Variants in NSRP1 observed in about 807,000 individuals in gnomAD.
NSRP1 encodes coiled-coil domain containing 55.
Under a neutral mutation model 54.7 loss-of-function variants are expected in NSRP1, and 24 were observed. The ratio of observed to expected loss-of-function variants is 0.44; its 90% confidence interval spans 0.32 to 0.62. The LOEUF (loss-of-function observed/expected upper bound fraction) is 0.62. Among genes scored for constraint, NSRP1 ranks in the 20% least tolerant of loss-of-function variants. The pLI, the probability that NSRP1 is intolerant of heterozygous loss-of-function variation, is 0.06. For synonymous variants in NSRP1, 210 were observed against 213.8 expected, an observed-to-expected ratio of 0.98 and a Z score of 0.15; for missense variants, 596 against 651.2, an observed-to-expected ratio of 0.92 and a Z score of 0.92.
At chr17:30,133,404 C>T (rs1239038782) in intron 2 of NSRP1, among the ~76,000 whole-genome samples, 1 of 152,102 alleles carries the variant, frequency 6.6e-6, no homozygotes, top group Non-Finnish European at 1.5e-5. Flanking sequence ...GCATTGTCAG[C>T]AGTATTTTGA....
Position 30,159,368 on chromosome 17 carries a change from G to T in NSRP1, c.115-13174G>T, listed in dbSNP as rs1176802741. Among the ~76,000 whole-genome samples, 3 of 152,222 alleles carry T rather than the reference G, an allele frequency of 2.0e-5. No individual in the cohort carries two copies. The East Asian group carries it at 5.8e-4, about 29-fold the overall frequency. ...TTTAAGAGGTTTTTTTTGTGTGTGTGTGTAGTCGTTTGGTTTTTCTAAATA... is the reference window on the plus strand; with the variant it reads ...TTTAAGAGGTTTTTTTTGTGTGTGTTTGTAGTCGTTTGGTTTTTCTAAATA... On this transcript the variant is annotated intron_variant, in intron 2 of 6. Coordinates refer to ENST00000247026, the MANE Select transcript of NSRP1 (RefSeq NM_032141.4).
In NSRP1 at chr17:30,117,208, G is replaced by C. The variant is rs193157420; in HGVS notation, c.20+345G>C. 5.2e-4 allele frequency: 338 copies of C among 645,086 alleles called. No homozygotes were observed. The East Asian group carries it at 9.0e-3, about 17-fold the overall frequency. The allele number at this position is 645,086 out of a possible 1,614,324, so 40.0% of individuals were successfully genotyped here. On this transcript the variant is annotated intron_variant, in intron 1 of 6. Transcript: ENST00000247026. ...CCCCGCTTGGATGCTCTCAGGGGCA[G>C]TGTGAAGAGAGACAGTTCCTGGCTT...
intron 2 of NSRP1, among the ~76,000 whole-genome samples, chr17:30,120,658 A>G (rs1175812907): frequency 6.6e-6 from 1 of 152,214 alleles, no homozygotes; most frequent in African/African-American, 2.4e-5. Flanking sequence ...TATACTGAGG[A>G]TTCCTGTGTG....
intron 3 of NSRP1, among the ~76,000 whole-genome samples, chr17:30,174,292 C>A (rs139180736): frequency 1.3e-5 from 2 of 152,272 alleles, no homozygotes; most frequent in African/African-American, 2.4e-5. Context: ...ACAACTCTTA[C>A]ACCTTTCACC....
chr17:30,124,234 G>T (rs1032875122), intron 2 of NSRP1, among the ~76,000 whole-genome samples: 2 of 152,216 alleles, frequency 1.3e-5, no homozygotes, highest in African/African-American at 4.8e-5. Flanking sequence ...CTGCACTCCA[G>T]CCTGGGCAAC....
rs777626302 is a variant in NSRP1 at position 30,186,384 on chromosome 17, G to A, written c.*710G>A. ...AAATATACTTTATGTTCTGAAATTT[G>A]TATTTAAGTATAAAATGTGAATCAT... On this transcript the variant is annotated 3_prime_UTR_variant, in exon 7 of 7. Coordinates refer to ENST00000247026, the MANE Select transcript of NSRP1 (RefSeq NM_032141.4). The A allele has an allele frequency of 3.3e-5, 5 of 152,132 alleles. No homozygotes were observed. The highest frequency in any genetic ancestry group is 7.4e-5 in the Non-Finnish European group (5 of 68,018). The allele number at this position is 152,132 out of a possible 1,614,324, so 9.4% of individuals were successfully genotyped here. A position where few individuals can be genotyped will look rare whatever the true frequency, so the allele number is the denominator to read the frequency against.
chr17:30,162,570 G>A (rs1904559380), intron 2 of NSRP1, among the ~76,000 whole-genome samples: 1 of 152,210 alleles, frequency 6.6e-6, no homozygotes, highest in Non-Finnish European at 1.5e-5. Flanking sequence ...TTAGCTGTGA[G>A]CCATTTGAAA....
At chr17:30,122,349 T>TGTGTGTGTATATATATATATATA (rs1481107161) in intron 2 of NSRP1, 2 of 72,306 alleles carry the variant, frequency 2.8e-5, no homozygotes, top group African/African-American at 5.7e-5. Flanking sequence ...ATAACTCTGG[T>TGTGTGTGTATATATATATATATA]TTCATATATA....
intron 2 of NSRP1, among the ~76,000 whole-genome samples, chr17:30,139,956 G>A (rs571391576): frequency 4.4e-4 from 67 of 152,200 alleles, no homozygotes; most frequent in African/African-American, 1.6e-3. Flanking sequence ...CCCGGGAGGC[G>A]GAGCTTGCAG....
Position 30,184,741 on chromosome 17 carries a change from T to A in NSRP1, c.744T>A (p.Ser248Arg), listed in dbSNP as rs536310311. ...VKVEENPDAD[S>R]DFDAKSSADD... ...TAGAGGAAAACCCAGATGCAGACAG[T>A]GACTTCGATGCTAAGAGCAGTGCGG... is the stretch of plus-strand genomic sequence containing the variant. The change falls in exon 7 of 7, where the codon AGT (serine) becomes AGA (arginine). Residue 248 changes from serine (S) to arginine (R), a missense_variant. Coordinates refer to ENST00000247026, the MANE Select transcript of NSRP1 (RefSeq NM_032141.4). The A allele has an allele frequency of 8.1e-5, 131 of 1,614,070 alleles. 5 individuals carry two copies. The South Asian group carries it at 1.4e-3, about 17-fold the overall frequency.
chr17:30,180,880 A>G, intron 5 of NSRP1, 28 bp from the exon 6 acceptor site: 1 of 1,356,692 alleles, frequency 7.4e-7, no homozygotes. Flanking sequence ...TATTGAATAT[A>G]TTCTAATTTT....
At chr17:30,164,326 G>A (rs1449774775) in intron 2 of NSRP1, among the ~76,000 whole-genome samples, 2 of 152,178 alleles carry the variant, frequency 1.3e-5, no homozygotes, top group Non-Finnish European at 1.5e-5. Flanking sequence ...GTATTTTCCT[G>A]AGATTTTGAT....
At chr17:30,184,047 C>G (rs1369754786) in intron 6 of NSRP1, among the ~76,000 whole-genome samples, 1 of 152,076 alleles carries the variant, frequency 6.6e-6, no homozygotes, top group African/African-American at 2.4e-5. Context: ...ACTAAAAATA[C>G]AAAAATTAGC....
chr17:30,130,100 T>C (rs1037265142), intron 2 of NSRP1, among the ~76,000 whole-genome samples: 1 of 152,140 alleles, frequency 6.6e-6, no homozygotes, highest in African/African-American at 2.4e-5. Context: ...TTTTCTTTTT[T>C]AAAATATTTC....
intron 3 of NSRP1, among the ~76,000 whole-genome samples, chr17:30,174,422 C>CT (rs1386290720): frequency 6.6e-6 from 1 of 152,114 alleles, no homozygotes; most frequent in African/African-American, 2.4e-5. Flanking sequence ...TTTCATTTTA[C>CT]TATGAAGAAT....
In NSRP1 at chr17:30,166,911, G is replaced by A. The variant is rs138845207; in HGVS notation, c.115-5631G>A. On this transcript the variant is annotated intron_variant, in intron 2 of 6. Coordinates refer to ENST00000247026, the MANE Select transcript of NSRP1 (RefSeq NM_032141.4). ...ACTGCACTCCAACCTGGGCAGCAGA[G>A]CAAGACTCCATCTCAAACAAACAAA... 4.2e-3 allele frequency among the ~76,000 whole-genome samples: 644 copies of A among 152,242 alleles called. 3 individuals are homozygous for A. Among genetic ancestry groups the A allele is most frequent in the Middle Eastern group, 0.01 (3 of 294 alleles).
intron 2 of NSRP1, among the ~76,000 whole-genome samples, chr17:30,131,531 T>G (rs972915164): frequency 1.7e-5 from 2 of 116,792 alleles, no homozygotes; most frequent in African/African-American, 6.9e-5. Context: ...TTTTAAAGTG[T>G]GTAATAGCAT....
intron 2 of NSRP1, among the ~76,000 whole-genome samples, chr17:30,153,884 A>G (rs1390837843): frequency 1.3e-5 from 2 of 152,218 alleles, no homozygotes; most frequent in African/African-American, 2.4e-5. Context: ...AATGTGTTCT[A>G]TAGCCACGTG....
Position 30,172,560 on chromosome 17 carries a change from C to T in NSRP1, c.133C>T (p.Leu45Phe). The change falls in exon 3 of 7, where the codon CTT (leucine) becomes TTT (phenylalanine). Residue 45 changes from leucine (L) to phenylalanine (F), a missense_variant. Coordinates refer to ENST00000247026, the MANE Select transcript of NSRP1 (RefSeq NM_032141.4). Reference protein sequence around the residue: ...DDDETSVSESLQREAAKKQAM... With the variant: ...DDDETSVSESFQREAAKKQAM... ...TTTACAGACCTCTGTGAGTGAAAGC[C>T]TTCAGAGGGAAGCTGCTAAGAAGCA... 1 of 1,609,950 alleles carries T rather than the reference C, an allele frequency of 6.2e-7. No homozygotes were observed. The highest frequency in any genetic ancestry group is 1.7e-5 in the Admixed American group (1 of 59,506).
Sources: allele counts gnomAD v4.1 joint callset (sites outside exome capture counted in the v4.1 genomes callset), GRCh38; gene constraint gnomAD v4.1.1; transcripts MANE v1.5; gene names NCBI Gene and HGNC (gene_info 2026-07-23, HGNC 2026-07-21).